Variants in MYO18B observed in about 807,000 individuals in gnomAD.
MYO18B encodes unconventional myosin-XVIIIb.
A neutral mutation model predicts 273.0 loss-of-function variants in MYO18B; 204 were observed. That is an observed-to-expected ratio of 0.75 (90% CI 0.67 to 0.84). The LOEUF (loss-of-function observed/expected upper bound fraction) is 0.84, where lower values mean the gene tolerates loss of function less well. MYO18B is among the 40% of genes least tolerant of loss of function. The pLI, the probability that MYO18B is intolerant of heterozygous loss-of-function variation, is 0.00. For synonymous variants in MYO18B, 1,330 were observed against 1,305.7 expected, an observed-to-expected ratio of 1.02 and a Z score of -0.40; for missense variants, 3,212 against 3,287.6, an observed-to-expected ratio of 0.98 and a Z score of 0.56.
chr22:26,019,194 T>G (rs1935613370), intron 42 of MYO18B, among the ~76,000 whole-genome samples: 1 of 152,210 alleles, frequency 6.6e-6, no homozygotes, highest in African/African-American at 2.4e-5. Flanking sequence ...CAGACCAGCA[T>G]GGGAGTCTCA....
At chr22:25,772,303 C>T in intron 6 of MYO18B, 31 bp from the exon 7 acceptor site, 3 of 1,601,114 alleles carry the variant, frequency 1.9e-6, no homozygotes, top group Non-Finnish European at 2.6e-6. Flanking sequence ...GGCCAGAAGG[C>T]CAGAGGAGAC....
At chr22:25,855,911 G>T (rs943135522) in intron 21 of MYO18B, among the ~76,000 whole-genome samples, 1 of 151,866 alleles carries the variant, frequency 6.6e-6, no homozygotes, top group African/African-American at 2.4e-5. Context: ...TGTTACAAGG[G>T]TTTGGTGTAC....
In MYO18B at chr22:25,872,876, C is replaced by G. The variant is rs1395192681; in HGVS notation, c.3952-1410C>G. The stretch of plus-strand genomic sequence containing the variant: ...ATCCAGTGTCTCCAGATAACCGCCT[C>G]TGGGATTATAAACCACATGTGACAA... On this transcript the variant is annotated intron_variant, in intron 22 of 43. Coordinates refer to ENST00000335473, the MANE Select transcript of MYO18B (RefSeq NM_032608.7). Among the ~76,000 whole-genome samples, 3 of 152,300 alleles carry G rather than the reference C, an allele frequency of 2.0e-5. No individual in the cohort carries two copies. In the South Asian group the frequency reaches 6.2e-4, roughly 32 times the overall value.
intron 39 of MYO18B, among the ~76,000 whole-genome samples, chr22:25,983,031 G>A (rs1221771836): frequency 1.3e-5 from 2 of 152,174 alleles, no homozygotes; most frequent in Non-Finnish European, 2.9e-5. Context: ...AACTAGTACA[G>A]AATAGGGATC....
At chr22:26,037,777 A>G in the MYO18B span, among the ~76,000 whole-genome samples, 2 of 152,208 alleles carry the variant, frequency 1.3e-5, no homozygotes, top group South Asian at 4.1e-4. Context: ...AAGAGTTTAA[A>G]TGTGTCCTTT....
intron 39 of MYO18B, among the ~76,000 whole-genome samples, chr22:25,982,169 C>T (rs1393970472): frequency 2.6e-5 from 4 of 152,180 alleles, no homozygotes. Flanking sequence ...CAGGCCGGCC[C>T]CTCTTCCAAC....
intron 3 of MYO18B, among the ~76,000 whole-genome samples, chr22:25,764,829 G>A (rs909840861): frequency 2.6e-5 from 4 of 152,228 alleles, no homozygotes; most frequent in South Asian, 2.1e-4. Flanking sequence ...TTAATACCCC[G>A]TGCAGCAATG....
At chr22:26,059,432 T>C in the MYO18B span, among the ~76,000 whole-genome samples, 635 of 152,296 alleles carry the variant, frequency 4.2e-3, 4 homozygotes, top group African/African-American at 0.014. Context: ...GATAAGCATT[T>C]CCACTTTGGA....
intron 33 of MYO18B, 67 bp downstream of exon 33, chr22:25,911,117 TGGAGAGAA>T (rs1451412929): frequency 9.3e-6 from 11 of 1,179,114 alleles, no homozygotes; most frequent in Non-Finnish European, 1.2e-5. Flanking sequence ...GATGGGCTCA[TGGAGAGAA>T]CAGCCTGAGG....
At chr22:25,936,152 G>T (rs534515487) in intron 34 of MYO18B, among the ~76,000 whole-genome samples, 3 of 152,296 alleles carry the variant, frequency 2.0e-5, no homozygotes, top group African/African-American at 7.2e-5. Flanking sequence ...TAATAAAAGA[G>T]GGATGTAAAT....
intron 21 of MYO18B, among the ~76,000 whole-genome samples, chr22:25,857,627 T>C (rs1269459778): frequency 6.6e-6 from 1 of 152,228 alleles, no homozygotes; most frequent in Non-Finnish European, 1.5e-5. Context: ...CTTGTTCACC[T>C]TGCTGTCTCC....
At position 25,770,026 on chromosome 22, in the gene MYO18B, C is replaced by T. The variant is rs757708816; in HGVS notation, c.1513-84C>T. ...GATTCTGGTTTAGATGGCTCCAGAGCACACTGTGAGAAACCCCCGTGTAAG... is the reference window on the plus strand; with the variant it reads ...GATTCTGGTTTAGATGGCTCCAGAGTACACTGTGAGAAACCCCCGTGTAAG... On this transcript the variant is annotated intron_variant, in intron 4 of 43. Transcript: ENST00000335473. 4 of 1,368,504 alleles carry T rather than the reference C, an allele frequency of 2.9e-6. No homozygotes were observed. In the African/African-American group the frequency reaches 5.7e-5, roughly 20 times the overall value. The allele number at this position is 1,368,504 out of a possible 1,614,324, so 84.8% of individuals were successfully genotyped here.
intron 42 of MYO18B, among the ~76,000 whole-genome samples, chr22:26,019,992 C>T (rs1569301073): frequency 6.6e-6 from 1 of 150,826 alleles, no homozygotes; most frequent in South Asian, 2.1e-4. Flanking sequence ...GGTTGAGTTT[C>T]CCGTCAGCCT....
intron 39 of MYO18B, among the ~76,000 whole-genome samples, chr22:25,984,230 C>T (rs2146804861): frequency 6.6e-6 from 1 of 152,280 alleles, no homozygotes. Flanking sequence ...GGATTAGTAA[C>T]TCTTTGGGAT....
intron 12 of MYO18B, among the ~76,000 whole-genome samples, chr22:25,817,717 T>C (rs5761253): frequency 0.91 from 138,448 of 152,206 alleles, 63,468 homozygotes; most frequent in Non-Finnish European, 0.97. Flanking sequence ...ACAGAATTTC[T>C]CCTTCTTACA....
intron 29 of MYO18B, chr22:25,900,300 A>T (rs1004279507): frequency 6.6e-6 from 1 of 152,228 alleles, no homozygotes; most frequent in African/African-American, 2.4e-5. Context: ...TTTATGTCTC[A>T]GTCTAACTGT....
intron 12 of MYO18B, among the ~76,000 whole-genome samples, chr22:25,802,985 A>G (rs5761212): frequency 0.065 from 9,434 of 145,186 alleles, 543 homozygotes; most frequent in East Asian, 0.2. Context: ...TTTTTGAGAC[A>G]GAGTCTTGCT....
At chr22:26,002,869 A>T (rs1000598084) in intron 40 of MYO18B, among the ~76,000 whole-genome samples, 1 of 152,160 alleles carries the variant, frequency 6.6e-6, no homozygotes, top group Non-Finnish European at 1.5e-5. Flanking sequence ...GCCCTGCTCC[A>T]TGTCTGATTT....
At chr22:25,794,824 C>T (rs1326585236) in intron 11 of MYO18B, among the ~76,000 whole-genome samples, 3 of 152,330 alleles carry the variant, frequency 2.0e-5, no homozygotes, top group South Asian at 2.1e-4. Flanking sequence ...TTATTAAACA[C>T]ACATCAGCAA....
Sources: gnomAD v4.1 joint callset for allele counts (sites outside exome capture counted in the v4.1 genomes callset) on GRCh38, gnomAD v4.1.1 for gene constraint, MANE v1.5 for transcripts, NCBI Gene and HGNC (gene_info 2026-07-23, HGNC 2026-07-21) for gene names.